The following PHKB variants were observed in gnomAD, a reference collection of about 807,000 sequenced individuals.
PHKB encodes phosphorylase kinase regulatory subunit beta.
In PHKB, 122 loss-of-function variants were observed where a neutral mutation model predicts 152.1. The observed-to-expected ratio is 0.80, with a 90% CI of 0.69 to 0.93. PHKB has a LOEUF of 0.93. Among genes scored for constraint, PHKB ranks in the 40% least tolerant of loss-of-function variants. PHKB has a pLI of 0.00. For missense variants in PHKB, 1,304 were observed against 1,328.4 expected (o/e 0.98, Z 0.29); for synonymous variants, 436 against 464.9 (o/e 0.94, Z 0.80).
At chr16:47,587,828 C>G in intron 9 of PHKB, 65 bp downstream of exon 9, 1 of 1,201,168 alleles carries the variant, frequency 8.3e-7, no homozygotes, top group Non-Finnish European at 1.2e-6. Context: ...GTAGTTATAT[C>G]TTAATTTCCA....
intron 7 of PHKB, among the ~76,000 whole-genome samples, chr16:47,557,880 C>G (rs1186626723): frequency 2.0e-5 from 3 of 152,168 alleles, no homozygotes. Flanking sequence ...CATCCCATTA[C>G]TGGGTATATT....
At chr16:47,593,111 A>AG (rs906297046) in intron 10 of PHKB, among the ~76,000 whole-genome samples, 214 of 137,320 alleles carry the variant, frequency 1.6e-3, no homozygotes, top group Admixed American at 5.3e-3. Context: ...AAAGAAAAAG[A>AG]GGGGGGGGAG....
At chr16:47,586,678 A>G (rs1971940087) in intron 8 of PHKB, among the ~76,000 whole-genome samples, 1 of 152,198 alleles carries the variant, frequency 6.6e-6, no homozygotes, top group South Asian at 2.1e-4. Context: ...GAGAATTAGG[A>G]TGAGATTCAG....
Position 47,515,597 on chromosome 16 carries a change from A to G in PHKB, c.590A>G (p.Asp197Gly). 7.4e-7 allele frequency: 1 copy of G among 1,342,870 alleles called. No individual in the cohort carries two copies. Among genetic ancestry groups the G allele is most frequent in the Non-Finnish European group, 1.1e-6 (1 of 933,240 alleles). 83.2% of individuals were successfully genotyped at this position (1,342,870 alleles called of 1,614,324 possible). A position where few individuals can be genotyped will look rare whatever the true frequency, so the allele number is the denominator to read the frequency against. Residue 197 changes from aspartate to glycine, a missense_variant, in exon 6 of 31, where the codon GAT becomes GGT. Asp to Gly is a moderately conservative substitution (Grantham distance 94). Transcript: ENST00000323584. ...GGACTCCAGATTATCTACAACACTG[A>G]TGAGGTATGCTTTCCCCAAATTTTC... ...SSGLQIIYNT[D>G]EVSFIQNLVF...
At chr16:47,616,845 T>C (rs925385707) in intron 14 of PHKB, among the ~76,000 whole-genome samples, 1 of 151,694 alleles carries the variant, frequency 6.6e-6, no homozygotes, top group African/African-American at 2.4e-5. Context: ...TACCCACATA[T>C]TTATTGACAG....
At chr16:47,639,437 G>A (rs1027587248) in intron 14 of PHKB, among the ~76,000 whole-genome samples, 1 of 152,206 alleles carries the variant, frequency 6.6e-6, no homozygotes, top group African/African-American at 2.4e-5. Flanking sequence ...TGGGGCAAAA[G>A]GTCCCACTTG....
intron 28 of PHKB, 105 bp downstream of exon 28, chr16:47,693,612 A>G (rs1429410744): frequency 1.6e-6 from 2 of 1,228,830 alleles, no homozygotes; most frequent in Non-Finnish European, 2.3e-6. Context: ...GCGTTCTAAG[A>G]GTATTTTCAA....
At position 47,539,163 on chromosome 16, in the gene PHKB, CAT is replaced by C. The variant is rs1378043933; in HGVS notation, c.595-8269_595-8268del. On this transcript the variant is annotated intron_variant, in intron 6 of 30. Transcript: ENST00000323584. ...TCTTTTGAGAGTATAAATTTTGTCA[CAT>C]GTCTGAAATCTTTACATGGAAGCTC... Among the ~76,000 whole-genome samples the C allele has an allele frequency of 3.9e-5, 6 of 152,292 alleles. No individual in the cohort carries two copies. The Middle Eastern group carries it at 0.02, about 518-fold the overall frequency.
intron 1 of PHKB, among the ~76,000 whole-genome samples, chr16:47,470,305 G>A (rs749421909): frequency 3.9e-5 from 6 of 152,186 alleles, no homozygotes; most frequent in East Asian, 1.9e-4. Context: ...GGGATGGGCC[G>A]AATTAAAGGA....
At chr16:47,479,742 T>C (rs1969931911) in intron 1 of PHKB, among the ~76,000 whole-genome samples, 1 of 152,216 alleles carries the variant, frequency 6.6e-6, no homozygotes, top group East Asian at 1.9e-4. Context: ...CATCCTCATA[T>C]TCCAAACTTG....
chr16:47,465,126 TTTC>T (rs1969645673), intron 1 of PHKB, among the ~76,000 whole-genome samples: 3 of 152,158 alleles, frequency 2.0e-5, no homozygotes. Context: ...ACTAAAATGA[TTTC>T]TATTTCTAGG....
In PHKB at chr16:47,641,341, C is replaced by T. The variant is rs80149864; in HGVS notation, c.1514+251C>T. ...GCCAGTGTTGCCTGGGTTGTAGTTTCGAGAAATTCATGCAAACACATGGGG... is the reference window on the plus strand; with the variant it reads ...GCCAGTGTTGCCTGGGTTGTAGTTTTGAGAAATTCATGCAAACACATGGGG... On this transcript the variant is annotated intron_variant, in intron 15 of 30. Coordinates refer to ENST00000323584, the MANE Select transcript of PHKB (RefSeq NM_000293.3). Among the ~76,000 whole-genome samples, 12 of 152,256 alleles carry T rather than the reference C, an allele frequency of 7.9e-5. No individual in the cohort carries two copies. The East Asian group carries it at 1.7e-3, about 22-fold the overall frequency.
At chr16:47,559,669 G>A (rs1453445454) in intron 7 of PHKB, among the ~76,000 whole-genome samples, 1 of 152,130 alleles carries the variant, frequency 6.6e-6, no homozygotes, top group Non-Finnish European at 1.5e-5. Context: ...GGGCTCCAAG[G>A]CCCAGAATCC....
intron 13 of PHKB, among the ~76,000 whole-genome samples, chr16:47,600,622 G>A (rs75821764): frequency 3.5e-4 from 53 of 152,272 alleles, no homozygotes; most frequent in Non-Finnish European, 4.6e-4. Flanking sequence ...AGCCTACGAC[G>A]TACCTAGCCT....
At chr16:47,648,442 G>T in intron 16 of PHKB, 91 bp from the exon 17 acceptor site, 3 of 946,666 alleles carry the variant, frequency 3.2e-6, no homozygotes, top group Non-Finnish European at 5.2e-6. Context: ...TTTCTCTCTG[G>T]AAAGATCAAA....
At chr16:47,639,644 C>T (rs1972982442) in intron 14 of PHKB, among the ~76,000 whole-genome samples, 1 of 152,218 alleles carries the variant, frequency 6.6e-6, no homozygotes, top group South Asian at 2.1e-4. Flanking sequence ...ATATCCTAAA[C>T]AGGCCTATGA....
At chr16:47,655,848 C>T (rs1029756602) in intron 20 of PHKB, among the ~76,000 whole-genome samples, 5 of 152,150 alleles carry the variant, frequency 3.3e-5, no homozygotes, top group Admixed American at 2.6e-4. Context: ...TTTCCCATTC[C>T]TAGTTCACTA....
intron 14 of PHKB, among the ~76,000 whole-genome samples, chr16:47,621,920 A>C (rs1972624710): frequency 6.6e-6 from 1 of 152,200 alleles, no homozygotes; most frequent in Admixed American, 6.5e-5. Context: ...GTTGAATTGG[A>C]AGTCAAAAAA....
At chr16:47,616,248 A>G (rs540716488) in intron 14 of PHKB, among the ~76,000 whole-genome samples, 1 of 151,980 alleles carries the variant, frequency 6.6e-6, no homozygotes, top group South Asian at 2.1e-4. Context: ...AGTATTGCCT[A>G]ATCCAAGGTC....
Sources: allele counts gnomAD v4.1 joint callset (sites outside exome capture counted in the v4.1 genomes callset), GRCh38; gene constraint gnomAD v4.1.1; transcripts MANE v1.5; gene names NCBI Gene and HGNC (gene_info 2026-07-23, HGNC 2026-07-21).